The following KIAA0232 variants were observed in gnomAD, a reference collection of about 807,000 sequenced individuals.
The protein encoded by KIAA0232 is uncharacterized protein KIAA0232.
Under a neutral mutation model 122.0 loss-of-function variants are expected in KIAA0232, and 27 were observed. That is an observed-to-expected ratio of 0.22 (90% confidence interval 0.16 to 0.31). The LOEUF is 0.31. Among genes scored for constraint, KIAA0232 ranks in the 10% least tolerant of loss-of-function variants. The pLI, the probability that KIAA0232 is intolerant of heterozygous loss-of-function variation, is 1.00. For missense variants in KIAA0232, 1,551 were observed against 1,634.2 expected, an observed-to-expected ratio of 0.95 and a Z score of 0.88; for synonymous variants, 613 against 587.6, an observed-to-expected ratio of 1.04 and a Z score of -0.63.
intron 9 of KIAA0232, among the ~76,000 whole-genome samples, chr4:6,880,025 T>C (rs1721988200): frequency 2.7e-5 from 1 of 36,524 alleles, no homozygotes; most frequent in Non-Finnish European, 6.0e-5. Context: ...TCACCATCTG[T>C]ACTGTGTCAC....
intron 1 of KIAA0232, among the ~76,000 whole-genome samples, chr4:6,785,939 C>T (rs918643981): frequency 6.6e-6 from 1 of 152,232 alleles, no homozygotes; most frequent in African/African-American, 2.4e-5. Context: ...TCCTGTCTCA[C>T]TCCCACTCCC....
chr4:6,854,797 A>C (rs531980842), intron 4 of KIAA0232, among the ~76,000 whole-genome samples: 2 of 152,230 alleles, frequency 1.3e-5, no homozygotes. Context: ...TGTTATTAAG[A>C]TATAACTTAA....
chr4:6,837,537 C>G (rs571104426), intron 3 of KIAA0232, among the ~76,000 whole-genome samples: 2 of 152,192 alleles, frequency 1.3e-5, no homozygotes, highest in South Asian at 2.1e-4. Context: ...GCTGCAGTCT[C>G]GGCACTTTGG....
At chr4:6,812,604 TTA>T (rs1300383384) in intron 2 of KIAA0232, among the ~76,000 whole-genome samples, 3 of 152,224 alleles carry the variant, frequency 2.0e-5, no homozygotes, top group Non-Finnish European at 2.9e-5. Flanking sequence ...ACTTCTATTT[TTA>T]TGTTTTAAAA....
Position 6,861,690 on chromosome 4 carries a change from G to A in KIAA0232, c.1308G>A (p.Glu436=). 1.2e-6 allele frequency: 2 copies of A among 1,614,102 alleles called. No individual in the cohort carries two copies. The highest frequency in any genetic ancestry group is 8.5e-7 in the Non-Finnish European group (1 of 1,180,038). The change falls in exon 7 of 10, where the codon GAG becomes GAA. Residue 436 remains glutamate (E), a synonymous_variant. Coordinates refer to ENST00000307659, the MANE Select transcript of KIAA0232 (RefSeq NM_014743.3). ...NRQDTSDLTS[E]AVEELSESVH... ...AGGATACAAGTGATCTGACATCAGA[G>A]GCAGTGGAAGAATTGTCTGAATCAG...
At position 6,876,718 on chromosome 4, in the gene KIAA0232, G is replaced by C; in HGVS notation, c.3969G>C (p.Glu1323Asp). Residue 1323 changes from glutamate to aspartate, a missense_variant, in exon 9 of 10, where the codon GAG becomes GAC. Glu to Asp is a conservative substitution (Grantham distance 45). This residue lies in a region of KIAA0232 where 1,108 missense variants were observed against 1,154.8 expected (regional missense o/e 0.96). Transcript: ENST00000307659. Reference protein sequence around the residue: ...SGLEEYPDAKETPSNEERLLD... With the variant: ...SGLEEYPDAKDTPSNEERLLD... ...TAGAAGAATATCCAGATGCTAAAGA[G>C]ACACCCAGTAATGAAGAGCGCCTGT... 6.2e-7 allele frequency: 1 copy of C among 1,613,348 alleles called. No individual in the cohort carries two copies. Among genetic ancestry groups the C allele is most frequent in the Non-Finnish European group, 8.5e-7 (1 of 1,179,318 alleles).
intron 6 of KIAA0232, 58 bp from the exon 7 acceptor site, chr4:6,860,843 T>G (rs1399740050): frequency 6.9e-7 from 1 of 1,446,330 alleles, no homozygotes; most frequent in African/African-American, 1.4e-5. Flanking sequence ...TAATGTTGTT[T>G]TACTGTATCT....
At chr4:6,841,553 C>CT (rs970206403) in intron 3 of KIAA0232, among the ~76,000 whole-genome samples, 4 of 152,018 alleles carry the variant, frequency 2.6e-5, no homozygotes, top group Non-Finnish European at 5.9e-5. Context: ...AATACATAAA[C>CT]TTTTTTTATA....
intron 3 of KIAA0232, among the ~76,000 whole-genome samples, chr4:6,838,001 C>A (rs914057049): frequency 6.6e-6 from 1 of 152,034 alleles, no homozygotes; most frequent in Admixed American, 6.5e-5. Flanking sequence ...TTTGTAGATT[C>A]TGGATATTAG....
chr4:6,810,841 C>T (rs772926264), intron 2 of KIAA0232, among the ~76,000 whole-genome samples: 1 of 152,160 alleles, frequency 6.6e-6, no homozygotes, highest in African/African-American at 2.4e-5. Flanking sequence ...AGCTCAGCAT[C>T]ACCAGTCATC....
chr4:6,803,612 C>G (rs1717485792), intron 1 of KIAA0232, among the ~76,000 whole-genome samples: 1 of 152,140 alleles, frequency 6.6e-6, no homozygotes, highest in African/African-American at 2.4e-5. Flanking sequence ...AAAGAGAATA[C>G]TTTTTACTAA....
At position 6,842,078 on chromosome 4, in the gene KIAA0232, C is replaced by T; in HGVS notation, c.243C>T (p.Ile81=). The T allele has an allele frequency of 6.2e-7, 1 of 1,613,384 alleles. No homozygotes were observed. Among genetic ancestry groups the T allele is most frequent in the South Asian group, 1.1e-5 (1 of 91,022 alleles). The change falls in exon 4 of 10, where the codon ATC becomes ATT. Residue 81 remains isoleucine (I), a synonymous_variant. Transcript: ENST00000307659. ...CAATTTCATTGCAGGAGAATGACAT[C>T]TTCCTGGGCTGGGAAAAAGGAGCTT... ...DYDLQEQEND[I]FLGWEKGAYK...
chr4:6,856,684 G>GAA (rs35815919), intron 4 of KIAA0232, among the ~76,000 whole-genome samples: 2,954 of 148,912 alleles, frequency 0.02, 97 homozygotes, highest in African/African-American at 0.066. Context: ...CTTTAAAACA[G>GAA]AAAAAAAAAA....
rs547944102 is a variant in KIAA0232 at position 6,853,069 on chromosome 4, A to T, written c.370-4095A>T. ...GACTTTGGGATACTAGGCACCCCTG[A>T]GGCAAAGCATGAGACACCATAATGA... On this transcript the variant is annotated intron_variant, in intron 4 of 9. Transcript: ENST00000307659. Among the ~76,000 whole-genome samples the T allele has an allele frequency of 2.5e-3, 385 of 152,330 alleles. 1 individual carries two copies. Among genetic ancestry groups the T allele is most frequent in the African/African-American group, 9.1e-3 (380 of 41,580 alleles).
At chr4:6,789,175 G>T (rs1050728822) in intron 1 of KIAA0232, among the ~76,000 whole-genome samples, 4 of 151,734 alleles carry the variant, frequency 2.6e-5, no homozygotes, top group African/African-American at 9.7e-5. Flanking sequence ...GTTTCACCGT[G>T]TTAGCCAGGA....
intron 7 of KIAA0232, chr4:6,866,098 C>T (rs1721167478): frequency 5.8e-6 from 2 of 347,094 alleles, no homozygotes; most frequent in Non-Finnish European, 8.1e-6. Context: ...AAGAAAAAAC[C>T]CAATAATATT....
chr4:6,792,695 GT>G lies in KIAA0232; in HGVS notation c.-354+9866del, dbSNP rs370810631. 1.8e-4 allele frequency among the ~76,000 whole-genome samples: 22 copies of G among 125,294 alleles called. No individual in the cohort carries two copies. The East Asian group carries it at 2.0e-3, about 12-fold the overall frequency. 82.2% of individuals were successfully genotyped at this position (125,294 alleles called of 152,430 possible). A position where few individuals can be genotyped will look rare whatever the true frequency, so the allele number is the denominator to read the frequency against. ...GATAGTCTTAGGTTTTTTTTTTTTT[GT>G]TTTTTTTTTTTGAGACAGAGTCTCA... On this transcript the variant is annotated intron_variant, in intron 1 of 9. Transcript: ENST00000307659.
At chr4:6,844,163 A>G (rs1291440442) in intron 4 of KIAA0232, among the ~76,000 whole-genome samples, 4 of 151,580 alleles carry the variant, frequency 2.6e-5, no homozygotes, top group African/African-American at 7.3e-5. Flanking sequence ...GATGGTCTCC[A>G]TCTCCTGACC....
intron 9 of KIAA0232, among the ~76,000 whole-genome samples, chr4:6,878,083 A>G (rs1338136010): frequency 6.6e-6 from 1 of 152,220 alleles, no homozygotes; most frequent in Non-Finnish European, 1.5e-5. Context: ...AAGTCAATAA[A>G]TCTTATGTCA....
Sources: allele counts gnomAD v4.1 joint callset (sites outside exome capture counted in the v4.1 genomes callset), GRCh38; gene constraint gnomAD v4.1.1; regional missense constraint gnomAD v4.1.1; transcripts MANE v1.5; gene names NCBI Gene and HGNC (gene_info 2026-07-23, HGNC 2026-07-21).